PCMT1: variants seen among roughly 807,000 people sequenced by gnomAD.
PCMT1 encodes the protein protein-L-isoaspartate(D-aspartate) O-methyltransferase.
In PCMT1, 9 loss-of-function variants were observed where a neutral mutation model predicts 29.2. The observed-to-expected ratio is 0.31, with a 90% CI of 0.19 to 0.54. The LOEUF (loss-of-function observed/expected upper bound fraction) is 0.54, where lower values mean the gene tolerates loss of function less well. Ranked by LOEUF, PCMT1 falls within the 20% of genes least tolerant of loss-of-function variation. The pLI is 0.95. For missense variants in PCMT1, 184 were observed against 282.2 expected, an observed-to-expected ratio of 0.65 and a Z score of 2.49; for synonymous variants, 98 against 97.5, an observed-to-expected ratio of 1.00 and a Z score of -0.03.
intron 2 of PCMT1, chr6:149,772,633 G>A (rs774019496): frequency 2.3e-6 from 1 of 443,722 alleles, no homozygotes; most frequent in Admixed American, 2.6e-5. Flanking sequence ...TTACCCTTTG[G>A]CATGATTATA....
At chr6:149,789,066 A>ATTTTTTTTT (rs56661461) in intron 3 of PCMT1, among the ~76,000 whole-genome samples, 2 of 90,476 alleles carry the variant, frequency 2.2e-5, no homozygotes, top group African/African-American at 4.9e-5. Flanking sequence ...ATTGGATCTG[A>ATTTTTTTTT]TTTTTTTTTT....
chr6:149,801,841 A>C (rs902666590), intron 6 of PCMT1, among the ~76,000 whole-genome samples: 1 of 152,182 alleles, frequency 6.6e-6, no homozygotes, highest in African/African-American at 2.4e-5. Context: ...ATTAATATAA[A>C]ATCTGGGCCG....
intron 3 of PCMT1, among the ~76,000 whole-genome samples, chr6:149,779,491 C>G (rs1055071990): frequency 1.3e-5 from 2 of 152,150 alleles, no homozygotes; most frequent in African/African-American, 2.4e-5. Flanking sequence ...TCCCACAACA[C>G]TACCTAAATG....
chr6:149,752,013 AC>A (rs1167446386), intron 1 of PCMT1, among the ~76,000 whole-genome samples: 1 of 145,640 alleles, frequency 6.9e-6, no homozygotes, highest in Non-Finnish European at 1.5e-5. Context: ...CAGTGGTGCC[AC>A]CATACCAGGC....
chr6:149,749,711 C>T, upstream of PCMT1: 1 of 1,530,204 alleles, frequency 6.5e-7, no homozygotes, highest in Non-Finnish European at 8.8e-7. Context: ...TCACAGAGCG[C>T]ATGCGTGCCG....
chr6:149,801,372 T>G (rs1478200553), intron 6 of PCMT1, among the ~76,000 whole-genome samples: 1 of 152,216 alleles, frequency 6.6e-6, no homozygotes, highest in Non-Finnish European at 1.5e-5. Context: ...TGTGGTGTCA[T>G]GTTGATGTTC....
intron 3 of PCMT1, among the ~76,000 whole-genome samples, chr6:149,785,411 A>ATT (rs1787987717): frequency 3.5e-5 from 2 of 57,060 alleles, no homozygotes; most frequent in African/African-American, 1.4e-4. Flanking sequence ...CTTTTTTTTT[A>ATT]TTTTTATTTT....
intron 5 of PCMT1, chr6:149,796,131 C>CA (rs1443935914): frequency 1.1e-4 from 28 of 247,930 alleles, no homozygotes; most frequent in South Asian, 2.6e-4. Context: ...GTCAGGAGTT[C>CA]AAAAAAAAGA....
intron 3 of PCMT1, among the ~76,000 whole-genome samples, chr6:149,773,723 T>C (rs900506806): frequency 9.0e-4 from 137 of 152,288 alleles, no homozygotes; most frequent in African/African-American, 3.2e-3. Context: ...TAAAAGATTT[T>C]GGTGGTTGTC....
At chr6:149,807,907 T>A (rs963571536) in intron 7 of PCMT1, among the ~76,000 whole-genome samples, 3 of 152,218 alleles carry the variant, frequency 2.0e-5, no homozygotes, top group African/African-American at 4.8e-5. Context: ...TCCTTTTTAA[T>A]CTCTTTACAT....
chr6:149,802,779 C>T (rs375896398), intron 7 of PCMT1, among the ~76,000 whole-genome samples: 4 of 151,956 alleles, frequency 2.6e-5, no homozygotes, highest in South Asian at 4.2e-4. Flanking sequence ...AGAGGCCAGG[C>T]GGAGTGGCTC....
intron 5 of PCMT1, chr6:149,795,661 C>G (rs889794349): frequency 7.2e-6 from 3 of 414,862 alleles, no homozygotes; most frequent in African/African-American, 6.2e-5. Flanking sequence ...ATAGGAATTA[C>G]CTGTTGTCCT....
chr6:149,777,838 C>CTCCT lies in PCMT1; in HGVS notation c.192+4688_192+4691dup, dbSNP rs57578249. The stretch of plus-strand genomic sequence containing the variant: ...TCTCTTTCTTTTCTTCTTTCTTTTT[C>CTCCT]TCCTTCCTTCCTTCCTTCCTTCTTT... On this transcript the variant is annotated intron_variant, in intron 3 of 7. Transcript: ENST00000464889. Among the ~76,000 whole-genome samples, 341 of 139,496 alleles carry CTCCT rather than the reference C, an allele frequency of 2.4e-3. 1 individual carries two copies. Among genetic ancestry groups the CTCCT allele is most frequent in the African/African-American group, 8.7e-3 (328 of 37,594 alleles). The allele number at this position is 139,496 out of a possible 152,430, so 91.5% of individuals were successfully genotyped here. A position where few individuals can be genotyped will look rare whatever the true frequency, so the allele number is the denominator to read the frequency against.
chr6:149,763,706 C>G (rs1786956901), intron 1 of PCMT1, among the ~76,000 whole-genome samples: 3 of 152,012 alleles, frequency 2.0e-5, no homozygotes, highest in African/African-American at 4.8e-5. Context: ...CTTTAAGTAT[C>G]CATCTAGAGA....
chr6:149,785,833 C>T (rs535179798), intron 3 of PCMT1, among the ~76,000 whole-genome samples: 4 of 152,202 alleles, frequency 2.6e-5, no homozygotes, highest in Non-Finnish European at 1.5e-5. Context: ...GGCAACCATC[C>T]GATTTCTCAA....
intron 1 of PCMT1, 190 bp downstream of exon 1, chr6:149,750,146 G>A: frequency 1.3e-6 from 1 of 761,844 alleles, no homozygotes; most frequent in Non-Finnish European, 2.0e-6. Flanking sequence ...ACTCGTCGAC[G>A]ACGTGGACTG....
intron 3 of PCMT1, among the ~76,000 whole-genome samples, chr6:149,783,015 A>G (rs963708007): frequency 6.6e-6 from 1 of 152,158 alleles, no homozygotes; most frequent in Non-Finnish European, 1.5e-5. Context: ...AAAGATCACT[A>G]TTTTGTTATC....
At chr6:149,755,510 G>A (rs1245642586) in intron 1 of PCMT1, among the ~76,000 whole-genome samples, 1 of 151,964 alleles carries the variant, frequency 6.6e-6, no homozygotes, top group African/African-American at 2.4e-5. Context: ...TAAGGGTCTT[G>A]GACCGTATTT....
intron 1 of PCMT1, among the ~76,000 whole-genome samples, chr6:149,768,921 C>T (rs1351711085): frequency 6.6e-6 from 1 of 152,144 alleles, no homozygotes; most frequent in Non-Finnish European, 1.5e-5. Context: ...GCCACCGCGC[C>T]AGCCTGGCTA....
Sources: gnomAD v4.1 joint callset for allele counts (sites outside exome capture counted in the v4.1 genomes callset) on GRCh38, gnomAD v4.1.1 for gene constraint, MANE v1.5 for transcripts, NCBI Gene and HGNC (gene_info 2026-07-23, HGNC 2026-07-21) for gene names.